Variants in ZNF423 observed in about 807,000 individuals in gnomAD.
ZNF423 encodes the protein Ebf-associated zinc finger protein.
Under a neutral mutation model 95.8 loss-of-function variants are expected in ZNF423, and 12 were observed. The ratio of observed to expected loss-of-function variants is 0.13; its 90% CI spans 0.08 to 0.20. The LOEUF (loss-of-function observed/expected upper bound fraction) is 0.20. Among genes scored for constraint, ZNF423 ranks in the 10% least tolerant of loss-of-function variants. The pLI is 1.00. For synonymous variants in ZNF423, 749 were observed against 711.9 expected (o/e 1.05, Z -0.83); for missense variants, 1,316 against 1,737.1 (o/e 0.76, Z 4.31).
intron 3 of ZNF423, among the ~76,000 whole-genome samples, chr16:49,642,616 G>T (rs1596776424): frequency 1.3e-5 from 2 of 152,120 alleles, no homozygotes; most frequent in Non-Finnish European, 2.9e-5. Context: ...AACTCAGATT[G>T]CCCTGTTTAA....
intron 1 of ZNF423, among the ~76,000 whole-genome samples, chr16:49,814,491 C>A (rs904170084): frequency 7.9e-5 from 12 of 151,684 alleles, no homozygotes; most frequent in Admixed American, 2.6e-4. Context: ...CCTGCCTTTT[C>A]CAACAATGGG....
intron 2 of ZNF423, among the ~76,000 whole-genome samples, chr16:49,738,143 G>A (rs996858090): frequency 1.6e-4 from 25 of 152,130 alleles, no homozygotes; most frequent in Non-Finnish European, 1.0e-4. Flanking sequence ...AAGTGCCTAC[G>A]GTGTGCCAGG....
chr16:49,612,642 C>G (rs757767712), intron 5 of ZNF423, among the ~76,000 whole-genome samples: 6 of 152,076 alleles, frequency 3.9e-5, no homozygotes, highest in Non-Finnish European at 7.4e-5. Context: ...CACTCTCACA[C>G]TACTGTTACT....
intron 3 of ZNF423, among the ~76,000 whole-genome samples, chr16:49,665,928 C>T (rs745999561): frequency 6.6e-6 from 1 of 152,222 alleles, no homozygotes; most frequent in Non-Finnish European, 1.5e-5. Flanking sequence ...TCTGTAACCA[C>T]TGAACAAATT....
chr16:49,567,747 C>T (rs1241452731), intron 5 of ZNF423, among the ~76,000 whole-genome samples: 3 of 152,198 alleles, frequency 2.0e-5, no homozygotes, highest in Non-Finnish European at 4.4e-5. Flanking sequence ...CATGTGGCCT[C>T]CACCAGGTGT....
chr16:49,818,013 A>G (rs2034883458), intron 1 of ZNF423, among the ~76,000 whole-genome samples: 1 of 152,052 alleles, frequency 6.6e-6, no homozygotes, highest in Non-Finnish European at 1.5e-5. Context: ...ACTGCTGGGC[A>G]TGGTGAGCTG....
At chr16:49,695,082 G>C (rs983702242) in intron 3 of ZNF423, among the ~76,000 whole-genome samples, 1 of 152,180 alleles carries the variant, frequency 6.6e-6, no homozygotes, top group African/African-American at 2.4e-5. Context: ...GAGCAGCTCA[G>C]GCGAAGGATC....
At chr16:49,740,374 G>A (rs1222632990) in intron 2 of ZNF423, among the ~76,000 whole-genome samples, 1 of 152,182 alleles carries the variant, frequency 6.6e-6, no homozygotes, top group African/African-American at 2.4e-5. Context: ...CCCCGGGAGG[G>A]GTGTGGCCAG....
At chr16:49,820,850 G>T (rs775031452) in intron 1 of ZNF423, among the ~76,000 whole-genome samples, 1 of 152,256 alleles carries the variant, frequency 6.6e-6, no homozygotes, top group Non-Finnish European at 1.5e-5. Context: ...GTAGATTGAA[G>T]TTTAGCTCTT....
rs188249887 is a variant in ZNF423 at position 49,616,551 on chromosome 16, A to G, written c.3601+9619T>C. On this transcript the variant is annotated intron_variant, in intron 5 of 7. Coordinates refer to ENST00000563137, the MANE Select transcript of ZNF423 (RefSeq NM_001379286.1). ...ATACCCCATTTTCCCTGATGTGATT[A>G]TTATATATTGCATGCCTGTATCGAA... 3.3e-5 allele frequency among the ~76,000 whole-genome samples: 5 copies of G among 152,334 alleles called. No homozygotes were observed. The East Asian group carries it at 9.6e-4, about 29-fold the overall frequency.
chr16:49,678,014 C>G (rs141311905), intron 3 of ZNF423, among the ~76,000 whole-genome samples: 1 of 152,056 alleles, frequency 6.6e-6, no homozygotes, highest in Non-Finnish European at 1.5e-5. Context: ...GAAACCCTGT[C>G]TCTACTAAAA....
At chr16:49,848,459 A>G (rs2035268208) in intron 1 of ZNF423, among the ~76,000 whole-genome samples, 1 of 152,174 alleles carries the variant, frequency 6.6e-6, no homozygotes, top group South Asian at 2.1e-4. Context: ...CTTTTTCTGT[A>G]TGGGTTCTCC....
chr16:49,787,346 T>TCCTGG (rs1781603094), intron 2 of ZNF423, among the ~76,000 whole-genome samples: 1 of 151,870 alleles, frequency 6.6e-6, no homozygotes, highest in Non-Finnish European at 1.5e-5. Context: ...ACAAAACAAT[T>TCCTGG]CCTGGCCTGG....
chr16:49,640,238 C>A (rs146871610), intron 3 of ZNF423, among the ~76,000 whole-genome samples: 2 of 152,272 alleles, frequency 1.3e-5, no homozygotes, highest in African/African-American at 2.4e-5. Flanking sequence ...GGCAGGCGCA[C>A]CATGCTCCCA....
rs1276107789 is a variant in ZNF423, at chr16:49,520,117, A to G, written c.3849+3507T>C. Reference sequence around the variant, plus strand: ...GGCTCTTATTGGAAAGTGCCCATCAATCCCCTAGAATGCAGACCCCGTGGG... The same window carrying G: ...GGCTCTTATTGGAAAGTGCCCATCAGTCCCCTAGAATGCAGACCCCGTGGG... On this transcript the variant is annotated intron_variant, in intron 7 of 7. Transcript: ENST00000563137. Among the ~76,000 whole-genome samples, 5 of 152,150 alleles carry G rather than the reference A, an allele frequency of 3.3e-5. No individual in the cohort carries two copies. The South Asian group carries it at 8.3e-4, about 25-fold the overall frequency.
chr16:49,641,250 C>T (rs762228146), intron 3 of ZNF423, among the ~76,000 whole-genome samples: 3 of 152,186 alleles, frequency 2.0e-5, no homozygotes, highest in African/African-American at 7.2e-5. Context: ...CACATTCAGG[C>T]CCCTTGATCG....
At chr16:49,615,133 C>CACACACA (rs1971834917) in intron 5 of ZNF423, among the ~76,000 whole-genome samples, 2 of 149,944 alleles carry the variant, frequency 1.3e-5, no homozygotes, top group Non-Finnish European at 3.0e-5. Context: ...CTCCATCTCA[C>CACACACA]ACACACACAC....
intron 3 of ZNF423, among the ~76,000 whole-genome samples, chr16:49,668,213 C>T (rs2030635076): frequency 6.6e-6 from 1 of 152,188 alleles, no homozygotes; most frequent in African/African-American, 2.4e-5. Flanking sequence ...ACCCACCTCC[C>T]ATGCTGAGTA....
chr16:49,582,154 G>A (rs1263845670), intron 5 of ZNF423, among the ~76,000 whole-genome samples: 1 of 152,206 alleles, frequency 6.6e-6, no homozygotes, highest in African/African-American at 2.4e-5. Flanking sequence ...TTCTCCAACT[G>A]CAGAACTTCC....
Sources: allele counts gnomAD v4.1 joint callset (sites outside exome capture counted in the v4.1 genomes callset), GRCh38; gene constraint gnomAD v4.1.1; transcripts MANE v1.5; gene names NCBI Gene and HGNC (gene_info 2026-07-23, HGNC 2026-07-21).